The following VEGFC variants were observed in gnomAD, a reference collection of about 807,000 sequenced individuals.
VEGFC encodes the protein vascular endothelial growth factor C.
Under a neutral mutation model 46.1 loss-of-function variants are expected in VEGFC, and 12 were observed. The ratio of observed to expected loss-of-function variants is 0.26; its 90% confidence interval spans 0.17 to 0.42. VEGFC has a LOEUF of 0.42. VEGFC is among the 10% of genes least tolerant of loss of function. VEGFC has a pLI of 1.00. For missense variants in VEGFC, 488 were observed against 529.4 expected (o/e 0.92, Z 0.77); for synonymous variants, 232 against 195.5 (o/e 1.19, Z -1.56).
At position 176,766,781 on chromosome 4, in the gene VEGFC, T is replaced by C. The variant is rs148674884; in HGVS notation, c.147+25384A>G. 2.8e-4 allele frequency among the ~76,000 whole-genome samples: 43 copies of C among 151,950 alleles called. No homozygotes were observed. The East Asian group carries it at 6.6e-3, about 23-fold the overall frequency. The stretch of plus-strand genomic sequence containing the variant: ...ATGCTAGGTTACCTAGTTATCCAAA[T>C]TAAAAATAACTAGTCTTGATTTCTA... On this transcript the variant is annotated intron_variant, in intron 1 of 6. Coordinates refer to ENST00000618562, the MANE Select transcript of VEGFC (RefSeq NM_005429.5).
At chr4:176,744,595 A>G (rs972897768) in intron 1 of VEGFC, among the ~76,000 whole-genome samples, 4 of 152,060 alleles carry the variant, frequency 2.6e-5, no homozygotes, top group African/African-American at 9.7e-5. Context: ...TCTCCATCCC[A>G]ATATTTTTAT....
In VEGFC at chr4:176,757,353, G is replaced by T. The variant is rs114921029; in HGVS notation, c.148-27607C>A. Among the ~76,000 whole-genome samples, 588 of 152,090 alleles carry T rather than the reference G, an allele frequency of 3.9e-3. 4 individuals are homozygous for T. The highest frequency in any genetic ancestry group is 0.013 in the African/African-American group (520 of 41,522). ...AAGAATTAGAAGACAAAGGTCCCTA[G>T]ATCTGTGATAAAAGCTTATAATATC... On this transcript the variant is annotated intron_variant, in intron 1 of 6. Transcript: ENST00000618562.
rs548475402 is a variant in VEGFC, at chr4:176,719,928, G to A, written c.552+7850C>T. ...TACAAAATCAGCTGGGCGTGGTGGT[G>A]GACACCTGTAATCCCAGCTACTCGG... On this transcript the variant is annotated intron_variant, in intron 3 of 6. Transcript: ENST00000618562. 7.2e-5 allele frequency among the ~76,000 whole-genome samples: 11 copies of A among 151,990 alleles called. 1 individual carries two copies. In the South Asian group the frequency reaches 1.9e-3, roughly 26 times the overall value.
At position 176,753,254 on chromosome 4, in the gene VEGFC, G is replaced by A. The variant is rs551643394; in HGVS notation, c.148-23508C>T. Among the ~76,000 whole-genome samples, 3 of 152,216 alleles carry A rather than the reference G, an allele frequency of 2.0e-5. No homozygotes were observed. The South Asian group carries it at 6.2e-4, about 32-fold the overall frequency. On this transcript the variant is annotated intron_variant, in intron 1 of 6. Coordinates refer to ENST00000618562, the MANE Select transcript of VEGFC (RefSeq NM_005429.5). ...ATGGCAGAGGGTGTGAAGGAATGAT[G>A]TAGAGTCCACAGGATGAAACACTCA...
intron 4 of VEGFC, among the ~76,000 whole-genome samples, chr4:176,697,046 G>C (rs1042824468): frequency 9.2e-5 from 14 of 151,622 alleles, no homozygotes; most frequent in African/African-American, 3.4e-4. Context: ...AGAAAACCTA[G>C]GCATTACCAT....
At chr4:176,713,287 G>A (rs74657378) in intron 3 of VEGFC, among the ~76,000 whole-genome samples, 4,803 of 151,998 alleles carry the variant, frequency 0.032, 239 homozygotes, top group African/African-American at 0.11. Context: ...TAAAATCTTT[G>A]ATTAGGTGAA....
intron 1 of VEGFC, among the ~76,000 whole-genome samples, chr4:176,785,345 C>T (rs1735983465): frequency 6.6e-6 from 1 of 152,170 alleles, no homozygotes; most frequent in South Asian, 2.1e-4. Flanking sequence ...AGCCAAACTT[C>T]TTTAGAAGTG....
intron 4 of VEGFC, among the ~76,000 whole-genome samples, chr4:176,698,129 TATA>T (rs1734357447): frequency 6.6e-6 from 1 of 151,048 alleles, no homozygotes; most frequent in Admixed American, 6.6e-5. Flanking sequence ...AAACTTAAAG[TATA>T]ATAATAAAAA....
At chr4:176,696,736 A>G (rs1327892888) in intron 4 of VEGFC, among the ~76,000 whole-genome samples, 1 of 152,044 alleles carries the variant, frequency 6.6e-6, no homozygotes, top group East Asian at 1.9e-4. Flanking sequence ...TTCAAACTAT[A>G]CCACAAGGCT....
At chr4:176,768,006 A>G (rs563848884) in intron 1 of VEGFC, among the ~76,000 whole-genome samples, 1 of 152,294 alleles carries the variant, frequency 6.6e-6, no homozygotes, top group East Asian at 1.9e-4. Context: ...GGTAGGAAAG[A>G]AAGAAGTCAA....
At chr4:176,692,330 C>T (rs1338802487) in intron 4 of VEGFC, among the ~76,000 whole-genome samples, 2 of 132,976 alleles carry the variant, frequency 1.5e-5, no homozygotes, top group African/African-American at 3.7e-5. Flanking sequence ...GCAGGCGGAG[C>T]TTGCAGTGAG....
At chr4:176,727,553 T>G (rs1267448869) in intron 3 of VEGFC, among the ~76,000 whole-genome samples, 2 of 152,182 alleles carry the variant, frequency 1.3e-5, no homozygotes, top group African/African-American at 4.8e-5. Flanking sequence ...CTCCACTATA[T>G]GAAGAGTTTG....
intron 1 of VEGFC, among the ~76,000 whole-genome samples, chr4:176,761,537 A>C (rs889391291): frequency 3.3e-5 from 5 of 152,144 alleles, no homozygotes; most frequent in African/African-American, 7.2e-5. Flanking sequence ...ATGATTTTTA[A>C]AGGTGCTCCC....
Position 176,776,922 on chromosome 4 carries a change from T to G in VEGFC, c.147+15243A>C, listed in dbSNP as rs1033729904. Among the ~76,000 whole-genome samples the G allele has an allele frequency of 7.2e-5, 11 of 152,338 alleles. No homozygotes were observed. The East Asian group carries it at 1.7e-3, about 24-fold the overall frequency. ...TATTTATCTTTAATATTTTAAATTATAAATAGCACAGTAAGTGTTGTATTG... is the reference window on the plus strand; with the variant it reads ...TATTTATCTTTAATATTTTAAATTAGAAATAGCACAGTAAGTGTTGTATTG... On this transcript the variant is annotated intron_variant, in intron 1 of 6. Transcript: ENST00000618562.
At chr4:176,765,747 G>A (rs970831425) in intron 1 of VEGFC, among the ~76,000 whole-genome samples, 1 of 152,024 alleles carries the variant, frequency 6.6e-6, no homozygotes, top group East Asian at 1.9e-4. Flanking sequence ...TAGAGACGGG[G>A]TTTCACCGTG....
intron 1 of VEGFC, among the ~76,000 whole-genome samples, chr4:176,757,487 T>C (rs1230163368): frequency 6.6e-6 from 1 of 151,958 alleles, no homozygotes; most frequent in Non-Finnish European, 1.5e-5. Context: ...ATTTCAATAA[T>C]AGAAAGCAAG....
At chr4:176,686,621 T>C (rs1734047354) in intron 6 of VEGFC, among the ~76,000 whole-genome samples, 1 of 152,178 alleles carries the variant, frequency 6.6e-6, no homozygotes, top group Non-Finnish European at 1.5e-5. Context: ...GGATTAACAC[T>C]GAATGTGCTT....
intron 4 of VEGFC, among the ~76,000 whole-genome samples, chr4:176,699,005 G>C (rs1734376628): frequency 6.6e-6 from 1 of 152,146 alleles, no homozygotes; most frequent in Admixed American, 6.5e-5. Context: ...CAAAATGAAT[G>C]ATAACATTAA....
At chr4:176,740,016 TATA>T (rs1735131697) in intron 1 of VEGFC, among the ~76,000 whole-genome samples, 2 of 83,636 alleles carry the variant, frequency 2.4e-5, no homozygotes, top group Admixed American at 1.8e-4. Flanking sequence ...TATATAACTA[TATA>T]TTCGATATAT....
Sources: gnomAD v4.1 joint callset for allele counts (sites outside exome capture counted in the v4.1 genomes callset) on GRCh38, gnomAD v4.1.1 for gene constraint, MANE v1.5 for transcripts, NCBI Gene and HGNC (gene_info 2026-07-23, HGNC 2026-07-21) for gene names.